The following SCP2 variants were observed in gnomAD, a reference collection of about 807,000 sequenced individuals.
The protein encoded by SCP2 is SCP-2/3-oxoacyl-CoA thiolase.
Under a neutral mutation model 71.4 loss-of-function variants are expected in SCP2, and 48 were observed. The observed-to-expected ratio is 0.67, with a 90% CI of 0.53 to 0.86. SCP2 has a LOEUF of 0.86. SCP2 is among the 40% of genes least tolerant of loss of function. The probability of loss-of-function intolerance (pLI) is 0.00; values close to 1 mark genes in which losing one functional copy is unlikely to be tolerated. For missense variants in SCP2, 560 were observed against 655.6 expected, an observed-to-expected ratio of 0.85 and a Z score of 1.59; for synonymous variants, 220 against 218.1, an observed-to-expected ratio of 1.01 and a Z score of -0.08.
At chr1:52,950,909 A>G (rs978856142) in intron 4 of SCP2, 23 bp downstream of exon 4, 4 of 1,609,896 alleles carry the variant, frequency 2.5e-6, no homozygotes, top group Admixed American at 1.7e-5. Context: ...TGTCTAGTGT[A>G]CTTAAATATT....
chr1:52,964,392 G>A (rs1656762239), intron 6 of SCP2, among the ~76,000 whole-genome samples: 1 of 151,444 alleles, frequency 6.6e-6, no homozygotes, highest in African/African-American at 2.4e-5. Context: ...AGTAGAGACG[G>A]GGTTTCACCA....
chr1:52,976,193 C>T (rs563328715), intron 7 of SCP2, among the ~76,000 whole-genome samples: 4 of 152,266 alleles, frequency 2.6e-5, no homozygotes, highest in African/African-American at 7.2e-5. Flanking sequence ...CCCCGCTGAA[C>T]ACCATGTCCA....
At chr1:52,948,956 T>TG (rs1040563980) in intron 3 of SCP2, among the ~76,000 whole-genome samples, 65 of 151,874 alleles carry the variant, frequency 4.3e-4, no homozygotes, top group Middle Eastern at 3.4e-3. Flanking sequence ...CATTTTTTTT[T>TG]TTTTGTTTTT....
At chr1:52,946,207 G>A (rs1202161951) in intron 2 of SCP2, among the ~76,000 whole-genome samples, 2 of 151,744 alleles carry the variant, frequency 1.3e-5, no homozygotes, top group South Asian at 2.1e-4. Flanking sequence ...AGGATTACAG[G>A]CATGAGCCAC....
chr1:52,980,958 G>A (rs1041870380), intron 10 of SCP2, among the ~76,000 whole-genome samples: 2 of 152,096 alleles, frequency 1.3e-5, no homozygotes, highest in Non-Finnish European at 2.9e-5. Flanking sequence ...CTGAGACGGA[G>A]ACTCTCTCTG....
chr1:52,934,078 T>C (rs886186043), intron 1 of SCP2, among the ~76,000 whole-genome samples: 1 of 152,250 alleles, frequency 6.6e-6, no homozygotes, highest in Non-Finnish European at 1.5e-5. Flanking sequence ...CATTATGAGC[T>C]AAACCAACTA....
intron 11 of SCP2, 89 bp from the exon 12 acceptor site, chr1:53,014,801 A>G: frequency 6.7e-7 from 1 of 1,481,726 alleles, no homozygotes; most frequent in East Asian, 2.3e-5. Context: ...CGGCTTAATC[A>G]AATGCTTTAA....
At chr1:52,975,174 G>A (rs568688253) in intron 7 of SCP2, among the ~76,000 whole-genome samples, 52 of 151,722 alleles carry the variant, frequency 3.4e-4, no homozygotes, top group African/African-American at 1.2e-3. Context: ...CACCATGCCC[G>A]GCTAATTATT....
At chr1:53,043,814 T>G (rs1171614836) in intron 14 of SCP2, among the ~76,000 whole-genome samples, 2 of 152,320 alleles carry the variant, frequency 1.3e-5, no homozygotes, top group African/African-American at 2.4e-5. Flanking sequence ...CCTCGTGCTC[T>G]TTGATGTTAT....
intron 12 of SCP2, among the ~76,000 whole-genome samples, chr1:53,017,824 A>G (rs1200508039): frequency 2.0e-5 from 3 of 152,166 alleles, no homozygotes; most frequent in Non-Finnish European, 4.4e-5. Context: ...GAGTAGTAGC[A>G]TTGCAGGTGA....
chr1:52,944,098 G>T (rs1368118991), intron 2 of SCP2, among the ~76,000 whole-genome samples: 1 of 152,106 alleles, frequency 6.6e-6, no homozygotes, highest in African/African-American at 2.4e-5. Context: ...GGAATTCTGG[G>T]AAATACCTGC....
At chr1:52,995,901 A>C in intron 11 of SCP2, 3 of 1,492,612 alleles carry the variant, frequency 2.0e-6, no homozygotes, top group Non-Finnish European at 2.7e-6. Context: ...GAGGGCATGG[A>C]TGAGACGAGA....
chr1:52,947,770 T>C (rs1358728936), intron 2 of SCP2, among the ~76,000 whole-genome samples: 1 of 152,192 alleles, frequency 6.6e-6, no homozygotes, highest in African/African-American at 2.4e-5. Context: ...GATGTGAAGT[T>C]ATAACAGAAA....
intron 11 of SCP2, chr1:52,994,073 A>C (rs1330216427): frequency 5.5e-6 from 6 of 1,082,760 alleles, no homozygotes; most frequent in Middle Eastern, 4.4e-4. Context: ...AATGCTACAC[A>C]GACATTATTT....
intron 10 of SCP2, among the ~76,000 whole-genome samples, chr1:52,982,291 C>A (rs1319163833): frequency 6.6e-6 from 1 of 152,156 alleles, no homozygotes; most frequent in Non-Finnish European, 1.5e-5. Context: ...TCCCAGTTGG[C>A]AGGGCGCGGT....
intron 10 of SCP2, among the ~76,000 whole-genome samples, chr1:52,987,008 T>TATATATATATATA (rs1410912982): frequency 8.8e-5 from 6 of 68,226 alleles, no homozygotes; most frequent in East Asian, 3.9e-4. Context: ...ATATATATAT[T>TATATATATATATA]TTTTTTTTTT....
chr1:53,015,150 GA>G, intron 12 of SCP2, 107 bp downstream of exon 12: 1 of 1,083,658 alleles, frequency 9.2e-7, no homozygotes, highest in South Asian at 1.3e-5. Flanking sequence ...AGTATTTAAG[GA>G]AAAGTATCTC....
intron 2 of SCP2, among the ~76,000 whole-genome samples, chr1:52,946,057 T>C (rs1237043040): frequency 1.3e-5 from 2 of 149,918 alleles, no homozygotes; most frequent in Non-Finnish European, 3.0e-5. Context: ...GCCTCCCAAG[T>C]AGCTGGGACC....
In SCP2 at chr1:52,957,952, G is replaced by A. The variant is rs940333617; in HGVS notation, c.396+3148G>A. 9.9e-5 allele frequency among the ~76,000 whole-genome samples: 15 copies of A among 151,952 alleles called. No individual in the cohort carries two copies. The East Asian group carries it at 2.7e-3, about 27-fold the overall frequency. On this transcript the variant is annotated intron_variant, in intron 5 of 15. Coordinates refer to ENST00000371514, the MANE Select transcript of SCP2 (RefSeq NM_002979.5). ...CTTTGTCATTGTTAATTTTTGTGAA[G>A]GGTGTAAGGTCTGTGCCTGGATTCA...
Sources: allele counts gnomAD v4.1 joint callset (sites outside exome capture counted in the v4.1 genomes callset), GRCh38; gene constraint gnomAD v4.1.1; transcripts MANE v1.5; gene names NCBI Gene and HGNC (gene_info 2026-07-23, HGNC 2026-07-21).